GALNT9: variants seen among roughly 807,000 people sequenced by gnomAD.
The protein encoded by GALNT9 is polypeptide N-acetylgalactosaminyltransferase 9, also known as GalNAc transferase 9.
A neutral mutation model predicts 63.1 loss-of-function variants in GALNT9; 47 were observed. The observed-to-expected ratio is 0.75, with a 90% CI of 0.59 to 0.95. The LOEUF is 0.95. Ranked by LOEUF, GALNT9 falls within the 40% of genes least tolerant of loss-of-function variation. The pLI is 0.00. For missense variants in GALNT9, 829 were observed against 874.8 expected, an observed-to-expected ratio of 0.95 and a Z score of 0.66; for synonymous variants, 396 against 365.7, an observed-to-expected ratio of 1.08 and a Z score of -0.94.
In GALNT9 at chr12:132,245,784, C is replaced by T. The variant is rs1037408849; in HGVS notation, c.1077+2126G>A. 1.3e-5 allele frequency among the ~76,000 whole-genome samples: 2 copies of T among 152,256 alleles called. No individual in the cohort carries two copies. Among genetic ancestry groups the T allele is most frequent in the African/African-American group, 4.8e-5 (2 of 41,476 alleles). Reference sequence around the variant, plus strand: ...CCTCTCACTGCAGCTGGGTTTGGCCCACGGGAGCCGATTTTGTTTGGAGGG... The same window carrying T: ...CCTCTCACTGCAGCTGGGTTTGGCCTACGGGAGCCGATTTTGTTTGGAGGG... On this transcript the variant is annotated intron_variant, in intron 6 of 10. Transcript: ENST00000328957. This position sits in a 1 kb window ranked among gnomAD's most constrained non-coding sequence, Gnocchi z 6.3.
rs782000254 is a variant in GALNT9 at position 132,286,323 on chromosome 12, C to T, written c.346G>A (p.Glu116Lys). 40 of 1,551,288 alleles carry T rather than the reference C, an allele frequency of 2.6e-5. No individual in the cohort carries two copies. Among genetic ancestry groups the T allele is most frequent in the Admixed American group, 1.2e-4 (6 of 51,006 alleles). ...CTGAGCTGAGCGTTGTAGCCGTACT[C>T]CTCATACTTGCCTTCCGCCTCCTGG... is the stretch of plus-strand genomic sequence containing the variant. Reference protein sequence around the residue: ...DGQEAEGKYEEYGYNAQLSDR... With the variant: ...DGQEAEGKYEKYGYNAQLSDR... Residue 116 changes from glutamate (E) to lysine (K), a missense_variant, in exon 2 of 11, where the codon GAG (glutamate) becomes AAG (lysine). Glu to Lys is a moderately conservative substitution (Grantham distance 56). Transcript: ENST00000328957. The surrounding 1 kb of genome is among the most constrained non-coding windows in gnomAD (Gnocchi z 7.4).
At chr12:132,267,425 G>A (rs567506417) in intron 2 of GALNT9, among the ~76,000 whole-genome samples, 2 of 152,200 alleles carry the variant, frequency 1.3e-5, no homozygotes, top group South Asian at 4.1e-4. Context: ...GGGGGTCCTT[G>A]GTGAGGCTAA....
chr12:132,255,973 C>G (rs567520710), intron 5 of GALNT9, among the ~76,000 whole-genome samples: 1 of 152,092 alleles, frequency 6.6e-6, no homozygotes, highest in Admixed American at 6.5e-5. Flanking sequence ...CCTGAGTTTA[C>G]GCAATCCACC....
intron 6 of GALNT9, among the ~76,000 whole-genome samples, chr12:132,203,940 C>T (rs1876432934): frequency 6.6e-6 from 1 of 152,114 alleles, no homozygotes; most frequent in Non-Finnish European, 1.5e-5. Flanking sequence ...TACACGATGG[C>T]TGTGGGGAGG....
In GALNT9 at chr12:132,279,020, C is replaced by G. The variant is rs1468071553; in HGVS notation, c.419+7230G>C. On this transcript the variant is annotated intron_variant, in intron 2 of 10. Coordinates refer to ENST00000328957, the MANE Select transcript of GALNT9 (RefSeq NM_001122636.2). The surrounding 1 kb of genome is among the most constrained non-coding windows in gnomAD (Gnocchi z 4.1). ...CCCAACAGGACTCAGCCTCCAGTGG[C>G]TACCATCAGACCCCACGGCATGGTG... 6.6e-6 allele frequency: 1 copy of G among 152,298 alleles called. No individual in the cohort carries two copies. Among genetic ancestry groups the G allele is most frequent in the African/African-American group, 2.4e-5 (1 of 41,444 alleles). 9.4% of individuals were successfully genotyped at this position (152,298 alleles called of 1,614,324 possible). A position where few individuals can be genotyped will look rare whatever the true frequency, so the allele number is the denominator to read the frequency against.
intron 5 of GALNT9, among the ~76,000 whole-genome samples, chr12:132,250,351 G>A (rs550733420): frequency 6.6e-6 from 1 of 152,330 alleles, no homozygotes; most frequent in South Asian, 2.1e-4. Context: ...CAATGCTTTG[G>A]AACGAGACGG....
chr12:132,239,872 A>G (rs1224717920), intron 6 of GALNT9, among the ~76,000 whole-genome samples: 2 of 152,146 alleles, frequency 1.3e-5, no homozygotes, highest in African/African-American at 4.8e-5. Flanking sequence ...AGAGTGACAC[A>G]GAGAGACAGA....
intron 3 of GALNT9, 147 bp from the exon 4 acceptor site, chr12:132,261,269 G>A: frequency 1.6e-6 from 2 of 1,286,678 alleles, no homozygotes; most frequent in South Asian, 1.5e-5. Flanking sequence ...ATGTGGTTCA[G>A]CGTGGAGGTC....
At chr12:132,309,817 A>C (rs1221018904) in intron 1 of GALNT9, among the ~76,000 whole-genome samples, 3 of 152,154 alleles carry the variant, frequency 2.0e-5, no homozygotes, top group Non-Finnish European at 4.4e-5. Context: ...AGGGCAGAGA[A>C]AGAGACCATG....
chr12:132,286,114 G>GCGGTCACTTCCCCGGCGGGCGTGGGGGC lies in GALNT9; in HGVS notation c.419+135_419+136insGCCCCCACGCCCGCCGGGGAAGTGACCG, dbSNP rs1555242128. On this transcript the variant is annotated intron_variant, in intron 2 of 10. Transcript: ENST00000328957. This position sits in a 1 kb window ranked among gnomAD's most constrained non-coding sequence, Gnocchi z 7.4. ...GTCACTTCCCCGGCGGGCGTGGGGG[G>GCGGTCACTTCCCCGGCGGGCGTGGGGGC]CGGTCACTTCCCTGGCGGGCGTGGG... 5.2e-6 allele frequency: 6 copies of GCGGTCACTTCCCCGGCGGGCGTGGGGGC among 1,144,496 alleles called. No homozygotes were observed. The allele number at this position is 1,144,496 out of a possible 1,614,324, so 70.9% of individuals were successfully genotyped here.
chr12:132,261,137 G>A lies in GALNT9; in HGVS notation c.587-15C>T. 2 of 1,549,820 alleles carry A rather than the reference G, an allele frequency of 1.3e-6. No individual in the cohort carries two copies. Among genetic ancestry groups the A allele is most frequent in the Non-Finnish European group, 1.7e-6 (2 of 1,146,560 alleles). On this transcript the variant is annotated splice_polypyrimidine_tract_variant and intron_variant, in intron 3 of 10. Coordinates refer to ENST00000328957, the MANE Select transcript of GALNT9 (RefSeq NM_001122636.2). Reference sequence around the variant, plus strand: ...CTTGAGTTCCACTGAGGAGAGACAAGACTTTAGCACGCTGGCAGGTGCTGG... The same window carrying A: ...CTTGAGTTCCACTGAGGAGAGACAAAACTTTAGCACGCTGGCAGGTGCTGG...
chr12:132,198,122 G>A (rs1055563982), intron 9 of GALNT9, among the ~76,000 whole-genome samples, 163 bp from the exon 10 acceptor site: 1 of 152,232 alleles, frequency 6.6e-6, no homozygotes, highest in South Asian at 2.1e-4. Context: ...GAGGACCGCC[G>A]GGCAGGGCCC....
intron 2 of GALNT9, chr12:132,272,985 T>A (rs1375712683): frequency 6.6e-6 from 1 of 152,382 alleles, no homozygotes. Context: ...CTCCTCCTCC[T>A]GACATTGAGT....
At chr12:132,203,286 T>G (rs546566884) in intron 7 of GALNT9, among the ~76,000 whole-genome samples, 5 of 152,226 alleles carry the variant, frequency 3.3e-5, no homozygotes, top group East Asian at 1.9e-4. Context: ...GGGGTGGGTG[T>G]GAGCTGGTCT....
chr12:132,217,188 T>TCATC (rs937925768), intron 6 of GALNT9, among the ~76,000 whole-genome samples: 1 of 151,888 alleles, frequency 6.6e-6, no homozygotes, highest in Admixed American at 6.6e-5. Context: ...CCACGCGGAC[T>TCATC]CATCCATCCA....
At chr12:132,197,721 C>T in intron 10 of GALNT9, 71 bp downstream of exon 10, 2 of 1,195,674 alleles carry the variant, frequency 1.7e-6, no homozygotes, top group Non-Finnish European at 1.2e-6. Context: ...GCTCTAGTGG[C>T]AGAGGCACCC....
rs377144604 is a variant in GALNT9, at chr12:132,201,163, C to T, written c.1362G>A (p.Pro454=). The part of the protein sequence containing the change: ...SFKWYLENVY[P]EMRVYNNTLT... The stretch of plus-strand genomic sequence containing the variant: ...GGGTGTTGTTGTAGACCCTCATCTC[C>T]GGGTACACGTTCTCCAGGTACCACT... The change falls in exon 8 of 11, where the codon CCG becomes CCA. Residue 454 remains proline (P), a synonymous_variant. Transcript: ENST00000328957. The T allele has an allele frequency of 6.8e-5, 110 of 1,613,396 alleles. No individual in the cohort carries two copies. Among genetic ancestry groups the T allele is most frequent in the African/African-American group, 5.7e-4 (43 of 75,016 alleles).
chr12:132,309,850 AG>A (rs1881750297), intron 1 of GALNT9, among the ~76,000 whole-genome samples: 1 of 152,194 alleles, frequency 6.6e-6, no homozygotes, highest in Admixed American at 6.5e-5. Flanking sequence ...TTAGAGGGCA[AG>A]GGCCCAGCAG....
chr12:132,309,771 T>C (rs1593119843), intron 1 of GALNT9, among the ~76,000 whole-genome samples: 1 of 152,030 alleles, frequency 6.6e-6, no homozygotes, highest in Non-Finnish European at 1.5e-5. Context: ...ACCCGGTCTG[T>C]GGTCAGTGCT....
Sources: gnomAD v4.1 joint callset for allele counts (sites outside exome capture counted in the v4.1 genomes callset) on GRCh38, gnomAD v4.1.1 for gene constraint, Gnocchi (gnomAD v3.1) non-coding constraint, MANE v1.5 for transcripts, NCBI Gene and HGNC (gene_info 2026-07-23, HGNC 2026-07-21) for gene names.